Variants in AMELY observed in about 807,000 individuals in gnomAD.
The protein encoded by AMELY is amelogenin Y-linked.
In AMELY, 4 loss-of-function variants were observed where a neutral mutation model predicts 4.2. The ratio of observed to expected loss-of-function variants is 0.96; its 90% CI spans 0.47 to 2.19. The LOEUF (loss-of-function observed/expected upper bound fraction) is 2.19, where lower values mean the gene tolerates loss of function less well. Ranked by LOEUF, AMELY falls within the 30% of genes most tolerant of loss-of-function variation. The pLI is 0.02. For missense variants in AMELY, 32 were observed against 41.5 expected, an observed-to-expected ratio of 0.77 and a Z score of 0.63; for synonymous variants, 11 against 14.7, an observed-to-expected ratio of 0.75 and a Z score of 0.57.
At chrY:6,899,543 T>C (rs2054088017) in intron 1 of AMELY, among the ~76,000 whole-genome samples, 1 of 27,365 alleles carries the variant, frequency 3.7e-5, no homozygotes, top group African/African-American at 1.5e-4. Flanking sequence ...CTGACCAACA[T>C]GGAGAAAGCC....
intron 1 of AMELY, among the ~76,000 whole-genome samples, chrY:6,901,626 A>G: frequency 3.0e-5 from 1 of 33,509 alleles, no homozygotes; most frequent in African/African-American, 1.2e-4. Flanking sequence ...GGTTCTCTAC[A>G]CAGATAGAAC....
At chrY:6,867,130 A>G in intron 6 of AMELY, among the ~76,000 whole-genome samples, 1 of 33,602 alleles carries the variant, frequency 3.0e-5, no homozygotes, top group Non-Finnish European at 7.3e-5. Context: ...AGAAACGAAA[A>G]TACTCACACA....
At chrY:6,889,023 C>T (rs2054081656) in intron 1 of AMELY, among the ~76,000 whole-genome samples, 1 of 29,364 alleles carries the variant, frequency 3.4e-5, no homozygotes, top group Non-Finnish European at 8.0e-5. Flanking sequence ...GCCAACATAG[C>T]GAAACCTGTC....
intron 1 of AMELY, among the ~76,000 whole-genome samples, chrY:6,898,120 C>T: frequency 3.0e-5 from 1 of 32,893 alleles, no homozygotes; most frequent in African/African-American, 1.2e-4. Flanking sequence ...AGTCTCTCTA[C>T]GTTGACCACA....
At chrY:6,880,769 G>A in intron 1 of AMELY, among the ~76,000 whole-genome samples, 1 of 33,001 alleles carries the variant, frequency 3.0e-5, no homozygotes. Context: ...GGGTGTATGT[G>A]TCCAGGAATT....
At chrY:6,907,647 A>C (rs2011668817) in intron 1 of AMELY, among the ~76,000 whole-genome samples, 1 of 31,854 alleles carries the variant, frequency 3.1e-5, no homozygotes, top group African/African-American at 1.2e-4. Flanking sequence ...CTATGGCTCA[A>C]GCCTCTAATC....
chrY:6,871,104 C>T, intron 3 of AMELY, among the ~76,000 whole-genome samples: 1 of 32,938 alleles, frequency 3.0e-5, no homozygotes, highest in Non-Finnish European at 7.4e-5. Flanking sequence ...TTCGTAATGC[C>T]GGGACTCCTG....
chrY:6,870,254 G>A, intron 3 of AMELY, among the ~76,000 whole-genome samples: 1 of 33,502 alleles, frequency 3.0e-5, no homozygotes, highest in Non-Finnish European at 7.4e-5. Flanking sequence ...TAGGAGAGGA[G>A]ACTTCTTATT....
At chrY:6,885,396 G>A (rs372503643) in intron 1 of AMELY, among the ~76,000 whole-genome samples, 66 of 34,134 alleles carry the variant, frequency 1.9e-3, no homozygotes, top group African/African-American at 6.2e-3. Context: ...AATGGCATGA[G>A]CCCAGGAGGC....
chrY:6,910,939 G>A (rs2011684961), intron 1 of AMELY: 1 of 37,890 alleles, frequency 2.6e-5, no homozygotes, highest in Admixed American at 2.5e-4. Flanking sequence ...CTCAGAACAC[G>A]GCCAGGTACG....
chrY:6,887,125 T>TATTA (rs2054080568), intron 1 of AMELY, among the ~76,000 whole-genome samples: 1 of 33,187 alleles, frequency 3.0e-5, no homozygotes, highest in Non-Finnish European at 7.4e-5. Flanking sequence ...AAAATAGTTC[T>TATTA]TCAAATATGA....
At chrY:6,889,125 C>G in intron 1 of AMELY, among the ~76,000 whole-genome samples, 1 of 30,782 alleles carries the variant, frequency 3.2e-5, no homozygotes, top group African/African-American at 1.3e-4. Context: ...TCGCTTGAAC[C>G]CAGGAGGTAG....
chrY:6,900,842 G>A, intron 1 of AMELY: 1 of 16,062 alleles, frequency 6.2e-5, no homozygotes, highest in Non-Finnish European at 1.1e-4. Context: ...TTACTGCGGT[G>A]GCTTTTTTTT....
chrY:6,905,918 G>C, intron 1 of AMELY, among the ~76,000 whole-genome samples: 2 of 33,058 alleles, frequency 6.0e-5, no homozygotes, highest in Non-Finnish European at 1.5e-4. Flanking sequence ...TATGCGATAT[G>C]GTTTGGCACC....
At chrY:6,893,346 G>A (rs2054084646) in intron 1 of AMELY, among the ~76,000 whole-genome samples, 1 of 33,363 alleles carries the variant, frequency 3.0e-5, no homozygotes, top group Non-Finnish European at 7.4e-5. Context: ...GCAAAGGACA[G>A]CAGGAAACAT....
At chrY:6,905,027 C>T in intron 1 of AMELY, among the ~76,000 whole-genome samples, 6 of 33,652 alleles carry the variant, frequency 1.8e-4, no homozygotes, top group South Asian at 6.7e-4. Context: ...CCTTAATCAC[C>T]ATTGGATCTG....
intron 5 of AMELY, 22 bp downstream of exon 5, chrY:6,868,710 A>G: frequency 2.6e-6 from 1 of 387,901 alleles, no homozygotes. Flanking sequence ...TTCAGGGAAT[A>G]AAGAACAAAA....
intron 1 of AMELY, among the ~76,000 whole-genome samples, chrY:6,884,473 C>T: frequency 3.1e-5 from 1 of 32,512 alleles, no homozygotes; most frequent in Non-Finnish European, 7.5e-5. Context: ...TAAAATCTTA[C>T]ATGTCAATAT....
At chrY:6,884,115 TA>T (rs2054077096) in intron 1 of AMELY, among the ~76,000 whole-genome samples, 4 of 31,922 alleles carry the variant, frequency 1.3e-4, no homozygotes, top group African/African-American at 3.7e-4. Flanking sequence ...TATGCAGCCA[TA>T]AAAAAAGGAT....
Sources: gnomAD v4.1 joint callset for allele counts (sites outside exome capture counted in the v4.1 genomes callset) on GRCh38, gnomAD v4.1.1 for gene constraint, MANE v1.5 for transcripts, NCBI Gene and HGNC (gene_info 2026-07-23, HGNC 2026-07-21) for gene names.